Variants in FBXO11 observed in about 807,000 individuals in gnomAD.
The protein encoded by FBXO11 is F-box only protein 11.
Under a neutral mutation model 117.0 loss-of-function variants are expected in FBXO11, and 13 were observed. The ratio of observed to expected loss-of-function variants is 0.11; its 90% confidence interval spans 0.07 to 0.18. The LOEUF is 0.18. Ranked by LOEUF, FBXO11 falls within the 10% of genes least tolerant of loss-of-function variation. The pLI is 1.00. For synonymous variants in FBXO11, 490 were observed against 380.5 expected, an observed-to-expected ratio of 1.29 and a Z score of -3.35; for missense variants, 767 against 1,164.4, an observed-to-expected ratio of 0.66 and a Z score of 4.97.
chr2:47,886,573 T>A (rs1264296460), intron 1 of FBXO11, among the ~76,000 whole-genome samples: 1 of 151,966 alleles, frequency 6.6e-6, no homozygotes, highest in East Asian at 1.9e-4. Flanking sequence ...TTGTATAGGG[T>A]TGTTTGCTGC....
intron 3 of FBXO11, 150 bp from the exon 4 acceptor site, chr2:47,839,153 T>G (rs1349180636): frequency 1.3e-6 from 1 of 797,098 alleles, no homozygotes; most frequent in African/African-American, 1.7e-5. Context: ...TAACACATAT[T>G]TATCTCTATC....
Position 47,823,210 on chromosome 2 carries a change from C to T in FBXO11, c.1549G>A (p.Glu517Lys). ...AAGTTGTTTGCATAGATTTTATTCT[C>T]TATGAATTGTCCTCTTCCTTTTTCA... ...VHEKGRGQFI[E>K]NKIYANNFAG... The change falls in exon 12 of 23, where the codon GAG (glutamate) becomes AAG (lysine). Residue 517 changes from glutamate (E) to lysine (K), a missense_variant. Glu to Lys is a moderately conservative substitution (Grantham distance 56). This residue lies in a region of FBXO11 where 67 missense variants were observed against 148.8 expected (regional missense o/e 0.45). Coordinates refer to ENST00000403359, the MANE Select transcript of FBXO11 (RefSeq NM_001190274.2). The T allele has an allele frequency of 6.2e-7, 1 of 1,614,076 alleles. No individual in the cohort carries two copies. The highest frequency in any genetic ancestry group is 8.5e-7 in the Non-Finnish European group (1 of 1,179,996).
chr2:47,871,517 TCAAA>T (rs1292656804), intron 1 of FBXO11, among the ~76,000 whole-genome samples: 3 of 152,186 alleles, frequency 2.0e-5, no homozygotes, highest in Non-Finnish European at 4.4e-5. Flanking sequence ...TTTCTTCCCC[TCAAA>T]CTAATAGGTA....
At chr2:47,871,761 A>G (rs902981281) in intron 1 of FBXO11, among the ~76,000 whole-genome samples, 57 of 152,164 alleles carry the variant, frequency 3.7e-4, no homozygotes, top group African/African-American at 7.2e-5. Context: ...ATCTTTTCCC[A>G]TACTATCATG....
chr2:47,852,346 G>C (rs1673938487), intron 1 of FBXO11, among the ~76,000 whole-genome samples: 1 of 152,132 alleles, frequency 6.6e-6, no homozygotes, highest in Non-Finnish European at 1.5e-5. Flanking sequence ...GAAAAGGATG[G>C]AGAGGGGGCT....
rs2651769 is a variant in FBXO11 at position 47,856,119 on chromosome 2, A to G, written c.233-16350T>C. Among the ~76,000 whole-genome samples, 779 of 152,314 alleles carry G rather than the reference A, an allele frequency of 5.1e-3. 4 individuals are homozygous for G. Among genetic ancestry groups the G allele is most frequent in the Admixed American group, 0.014 (215 of 15,294 alleles). ...AAGTGGAATACCGTCTCTAAAGATG[A>G]AAAACAAACAAAAACCTCAGAGAAG... On this transcript the variant is annotated intron_variant, in intron 1 of 22. Coordinates refer to ENST00000403359, the MANE Select transcript of FBXO11 (RefSeq NM_001190274.2).
chr2:47,823,555 C>T (rs1399406657), intron 11 of FBXO11, among the ~76,000 whole-genome samples, 195 bp from the exon 12 acceptor site: 1 of 152,068 alleles, frequency 6.6e-6, no homozygotes, highest in African/African-American at 2.4e-5. Context: ...CAAGAGGAGA[C>T]CAGCCTGGCC....
rs1335755936 is a variant in FBXO11, at chr2:47,905,817, G to C, written c.-97C>G. 5.3e-6 allele frequency: 6 copies of C among 1,132,686 alleles called. No homozygotes were observed. Among genetic ancestry groups the C allele is most frequent in the Admixed American group, 2.6e-5 (1 of 38,090 alleles). The allele number at this position is 1,132,686 out of a possible 1,614,324, so 70.2% of individuals were successfully genotyped here. A position where few individuals can be genotyped will look rare whatever the true frequency, so the allele number is the denominator to read the frequency against. On this transcript the variant is annotated 5_prime_UTR_variant, in exon 1 of 23. Coordinates refer to ENST00000403359, the MANE Select transcript of FBXO11 (RefSeq NM_001190274.2). ...AGAAAGGGGTGGGGAGAGTGGGAGA[G>C]GGGGGAGGAAGGAGAGGGGGCGAGG...
At chr2:47,897,893 T>A (rs1677796031) in intron 1 of FBXO11, among the ~76,000 whole-genome samples, 1 of 152,008 alleles carries the variant, frequency 6.6e-6, no homozygotes, top group Non-Finnish European at 1.5e-5. Context: ...TCAAATAATC[T>A]CTAAGTATGA....
chr2:47,863,807 G>A (rs997556269), intron 1 of FBXO11, among the ~76,000 whole-genome samples: 2 of 152,078 alleles, frequency 1.3e-5, no homozygotes, highest in Non-Finnish European at 2.9e-5. Flanking sequence ...TGGGTATGGT[G>A]GCACATGCCT....
At chr2:47,863,246 A>C (rs1674929434) in intron 1 of FBXO11, among the ~76,000 whole-genome samples, 1 of 152,192 alleles carries the variant, frequency 6.6e-6, no homozygotes, top group Admixed American at 6.5e-5. Context: ...AGGAGAGCTA[A>C]TGAGCTAATT....
intron 1 of FBXO11, among the ~76,000 whole-genome samples, chr2:47,866,740 G>A (rs1675228939): frequency 6.6e-6 from 1 of 152,064 alleles, no homozygotes; most frequent in Non-Finnish European, 1.5e-5. Flanking sequence ...CCAAAGTGCT[G>A]GGATTACAGG....
At chr2:47,821,285 C>T (rs933751457) in intron 13 of FBXO11, among the ~76,000 whole-genome samples, 6 of 152,038 alleles carry the variant, frequency 3.9e-5, no homozygotes, top group African/African-American at 1.4e-4. Context: ...CAAAACCAGC[C>T]TGGCCAACAT....
intron 1 of FBXO11, among the ~76,000 whole-genome samples, chr2:47,876,032 T>C (rs572533649): frequency 1.1e-4 from 17 of 152,342 alleles, no homozygotes; most frequent in East Asian, 5.8e-4. Flanking sequence ...CATCCCCAAT[T>C]ATACATAAGG....
chr2:47,866,474 G>GT (rs774659588), intron 1 of FBXO11, among the ~76,000 whole-genome samples: 522 of 142,020 alleles, frequency 3.7e-3, no homozygotes, highest in Middle Eastern at 7.3e-3. Flanking sequence ...TAGCAAGTTT[G>GT]TTTTTTTTTT....
intron 14 of FBXO11, among the ~76,000 whole-genome samples, chr2:47,819,521 T>C (rs1219567883): frequency 6.6e-6 from 1 of 152,194 alleles, no homozygotes; most frequent in East Asian, 1.9e-4. Flanking sequence ...GCCAACATTC[T>C]TTTTATGTAG....
intron 1 of FBXO11, among the ~76,000 whole-genome samples, chr2:47,845,883 T>C (rs1673367875): frequency 6.7e-6 from 1 of 149,500 alleles, no homozygotes; most frequent in Non-Finnish European, 1.5e-5. Flanking sequence ...TCTCCTACTT[T>C]ACAGGAAAAA....
intron 16 of FBXO11, among the ~76,000 whole-genome samples, chr2:47,817,829 A>C (rs1466445757): frequency 6.6e-6 from 1 of 152,238 alleles, no homozygotes; most frequent in Non-Finnish European, 1.5e-5. Flanking sequence ...TGGTGTCCCA[A>C]AACAATTACA....
chr2:47,836,022 A>C, intron 4 of FBXO11, 21 bp from the exon 5 acceptor site: 1 of 1,540,912 alleles, frequency 6.5e-7, no homozygotes, highest in Non-Finnish European at 8.8e-7. Flanking sequence ...AAAGGAATTA[A>C]AATTTTCTTG....
Sources: allele counts gnomAD v4.1 joint callset (sites outside exome capture counted in the v4.1 genomes callset), GRCh38; gene constraint gnomAD v4.1.1; regional missense constraint gnomAD v4.1.1; transcripts MANE v1.5; gene names NCBI Gene and HGNC (gene_info 2026-07-23, HGNC 2026-07-21).